The following TP73 variants were observed in gnomAD, a reference collection of about 807,000 sequenced individuals.
TP73 encodes the protein tumor protein p73.
TP73 carries 25 observed loss-of-function variants against 62.5 expected under a neutral mutation model. That is an observed-to-expected ratio of 0.40 (90% confidence interval 0.29 to 0.56). The LOEUF (loss-of-function observed/expected upper bound fraction) is 0.56, where lower values mean the gene tolerates loss of function less well. Among genes scored for constraint, TP73 ranks in the 20% least tolerant of loss-of-function variants. The probability of loss-of-function intolerance (pLI) is 0.46; values close to 1 mark genes in which losing one functional copy is unlikely to be tolerated. For synonymous variants in TP73, 423 were observed against 377.5 expected (o/e 1.12, Z -1.40); for missense variants, 754 against 913.3 (o/e 0.83, Z 2.25).
intron 1 of TP73, among the ~76,000 whole-genome samples, chr1:3,665,041 A>C (rs1309880288): frequency 1.3e-5 from 2 of 152,206 alleles, no homozygotes; most frequent in African/African-American, 4.8e-5. Flanking sequence ...TGCAAACTCC[A>C]AGCTAGTTAA....
chr1:3,723,511 C>T lies in TP73; in HGVS notation c.732+42C>T, dbSNP rs376139893. 105 of 1,358,942 alleles carry T rather than the reference C, an allele frequency of 7.7e-5. No homozygotes were observed. The African/African-American group carries it at 1.2e-3, about 16-fold the overall frequency. The allele number at this position is 1,358,942 out of a possible 1,614,324, so 84.2% of individuals were successfully genotyped here. A position where few individuals can be genotyped will look rare whatever the true frequency, so the allele number is the denominator to read the frequency against. On this transcript the variant is annotated intron_variant, in intron 6 of 13. Coordinates refer to ENST00000378295, the MANE Select transcript of TP73 (RefSeq NM_005427.4). The stretch of plus-strand genomic sequence containing the variant: ...GCTGTGCCCAGGGCCCTGCAGTCAG[C>T]TGTACGGGTCGGGGGAGGGGTCCCC...
At position 3,698,962 on chromosome 1, in the gene TP73, G is replaced by A. The variant is rs75420881; in HGVS notation, c.187-8587G>A. Among the ~76,000 whole-genome samples, 378 of 152,328 alleles carry A rather than the reference G, an allele frequency of 2.5e-3. 2 individuals carry two copies. Among genetic ancestry groups the A allele is most frequent in the Non-Finnish European group, 4.1e-3 (277 of 68,014 alleles). ...CTGCTCCTGGGGGCGCGTTTCTCCG[G>A]TGTGAGGTGTGGAAAGTTCCACATG... On this transcript the variant is annotated intron_variant, in intron 3 of 13. Transcript: ENST00000378295.
chr1:3,703,333 C>A (rs1196077449), intron 3 of TP73, among the ~76,000 whole-genome samples: 4 of 152,138 alleles, frequency 2.6e-5, no homozygotes, highest in African/African-American at 9.7e-5. Context: ...TGTCACTGAG[C>A]CTGAGGATGA....
Position 3,731,020 on chromosome 1 carries a change from A to G in TP73, c.1439A>G (p.His480Arg). 1 of 1,612,404 alleles carries G rather than the reference A, an allele frequency of 6.2e-7. No individual in the cohort carries two copies. Among genetic ancestry groups the G allele is most frequent in the Non-Finnish European group, 8.5e-7 (1 of 1,179,796 alleles). Reference sequence around the variant, plus strand: ...GCCCAGTCCATGGTCTCGGGGTCCCACTGCACTCCGCCACCCCCCTACCAC... The same window carrying G: ...GCCCAGTCCATGGTCTCGGGGTCCCGCTGCACTCCGCCACCCCCCTACCAC... The part of the protein sequence containing the change: ...HSAQSMVSGS[H>R]CTPPPPYHAD... The change falls in exon 12 of 14, where the codon CAC (histidine) becomes CGC (arginine). Residue 480 changes from histidine to arginine, a missense_variant. Coordinates refer to ENST00000378295, the MANE Select transcript of TP73 (RefSeq NM_005427.4).
At chr1:3,656,367 G>A (rs992444916) in intron 1 of TP73, among the ~76,000 whole-genome samples, 1 of 152,210 alleles carries the variant, frequency 6.6e-6, no homozygotes, top group Non-Finnish European at 1.5e-5. Context: ...TCCTGGACAA[G>A]TTGCACATCA....
At chr1:3,693,286 CAA>C (rs1638234415) in intron 3 of TP73, among the ~76,000 whole-genome samples, 1 of 152,190 alleles carries the variant, frequency 6.6e-6, no homozygotes, top group East Asian at 1.9e-4. Context: ...GTTTTAAACC[CAA>C]AGTGAGCGAA....
chr1:3,690,813 C>T (rs991089645), intron 3 of TP73: 20 of 1,535,060 alleles, frequency 1.3e-5, no homozygotes, highest in East Asian at 2.5e-5. Flanking sequence ...CGGGCGGCCA[C>T]GACCGTGACC....
chr1:3,727,221 G>T lies in TP73; in HGVS notation c.839G>T (p.Arg280Leu). 1 of 1,611,606 alleles carries T rather than the reference G, an allele frequency of 6.2e-7. No individual in the cohort carries two copies. The highest frequency in any genetic ancestry group is 8.5e-7 in the Non-Finnish European group (1 of 1,179,186). Reference protein sequence around the residue: ...PILIIITLEMRDGQVLGRRSF... With the variant: ...PILIIITLEMLDGQVLGRRSF... ...CTCATCATCATCACCCTGGAGATGC[G>T]GGAGTGAGTCCCGGGCACACGGGGT... The change falls in exon 7 of 14, where the codon CGG (arginine) becomes CTG (leucine). Residue 280 changes from arginine to leucine, a missense_variant. By Grantham distance (102) the Arg-to-Leu change is moderately radical. Around this residue, in one of 3 missense-constraint regions of TP73, gnomAD observed 458 missense variants for 528.7 expected, o/e 0.87. Transcript: ENST00000378295.
At chr1:3,667,945 G>A (rs563895408) in intron 1 of TP73, among the ~76,000 whole-genome samples, 114 of 152,276 alleles carry the variant, frequency 7.5e-4, no homozygotes, top group African/African-American at 2.0e-3. Flanking sequence ...GTCCCCCCAG[G>A]GCTCATGGCC....
intron 4 of TP73, among the ~76,000 whole-genome samples, chr1:3,713,148 A>T (rs1640297212): frequency 6.6e-6 from 1 of 152,212 alleles, no homozygotes; most frequent in Non-Finnish European, 1.5e-5. Flanking sequence ...AGTGAATCAA[A>T]CTGGGACTGG....
intron 3 of TP73, among the ~76,000 whole-genome samples, chr1:3,706,388 T>C (rs867877692): frequency 6.9e-5 from 8 of 116,716 alleles, no homozygotes; most frequent in South Asian, 3.1e-4. Flanking sequence ...AGGGGGGTAA[T>C]AGGGACAATC....
intron 3 of TP73, among the ~76,000 whole-genome samples, chr1:3,702,288 G>A (rs941722420): frequency 1.3e-5 from 2 of 152,182 alleles, no homozygotes; most frequent in African/African-American, 4.8e-5. Context: ...CTCCTGGAGG[G>A]GGCCCAGCTA....
intron 7 of TP73, 48 bp from the exon 8 acceptor site, chr1:3,727,580 A>C: frequency 6.4e-7 from 1 of 1,567,764 alleles, no homozygotes; most frequent in Non-Finnish European, 8.6e-7. Flanking sequence ...GGGCAGGTTG[A>C]GGGTGGGCAG....
At chr1:3,686,051 G>T (rs370893862) in intron 3 of TP73, among the ~76,000 whole-genome samples, 4 of 152,358 alleles carry the variant, frequency 2.6e-5, no homozygotes, top group African/African-American at 9.6e-5. Flanking sequence ...GGAAGTGGCT[G>T]CACACGCACC....
chr1:3,725,765 TGGG>T (rs1190882228), intron 6 of TP73, among the ~76,000 whole-genome samples: 1 of 8,616 alleles, frequency 1.2e-4, no homozygotes, highest in South Asian at 3.3e-3. Context: ...ATGGATGGGG[TGGG>T]GGGGTGGATG....
In TP73 at chr1:3,699,191, C is replaced by T. The variant is rs1007528318; in HGVS notation, c.187-8358C>T. ...GTTGGCATTTCCATTCGTTTAATCACGGGCTCCGGGAGATGCTGTGGGAAG... is the reference window on the plus strand; with the variant it reads ...GTTGGCATTTCCATTCGTTTAATCATGGGCTCCGGGAGATGCTGTGGGAAG... On this transcript the variant is annotated intron_variant, in intron 3 of 13. Coordinates refer to ENST00000378295, the MANE Select transcript of TP73 (RefSeq NM_005427.4). This position sits in a 1 kb window ranked among gnomAD's most constrained non-coding sequence, Gnocchi z 4.1. Among the ~76,000 whole-genome samples the T allele has an allele frequency of 5.3e-5, 8 of 152,270 alleles. No individual in the cohort carries two copies. The East Asian group carries it at 5.8e-4, about 11-fold the overall frequency.
intron 4 of TP73, chr1:3,708,521 G>A (rs1257431011): frequency 2.6e-5 from 4 of 152,412 alleles, no homozygotes; most frequent in Non-Finnish European, 4.4e-5. Context: ...CCCTTTTACA[G>A]CCAAGGAGGC....
At chr1:3,669,024 G>A (rs887829235) in intron 1 of TP73, among the ~76,000 whole-genome samples, 1 of 152,238 alleles carries the variant, frequency 6.6e-6, no homozygotes, top group Non-Finnish European at 1.5e-5. Context: ...GGCCGGCCAC[G>A]CTGCCGCCTA....
rs189285743 is a variant in TP73, at chr1:3,656,037, C to G, written c.-34+3396C>G. Among the ~76,000 whole-genome samples the G allele has an allele frequency of 1.2e-3, 184 of 152,156 alleles. 2 individuals are homozygous for G. Among genetic ancestry groups the G allele is most frequent in the African/African-American group, 4.2e-3 (174 of 41,506 alleles). On this transcript the variant is annotated intron_variant, in intron 1 of 13. Coordinates refer to ENST00000378295, the MANE Select transcript of TP73 (RefSeq NM_005427.4). ...CTAAAAATACAAAAAATTAGTCGGG[C>G]GTGGTGCGGGCACCTGTAGTCCCAG...
Sources: allele counts gnomAD v4.1 joint callset (sites outside exome capture counted in the v4.1 genomes callset), GRCh38; gene constraint gnomAD v4.1.1; regional missense constraint gnomAD v4.1.1; non-coding constraint Gnocchi (gnomAD v3.1); transcripts MANE v1.5; gene names NCBI Gene and HGNC (gene_info 2026-07-23, HGNC 2026-07-21).